The following HIBCH variants were observed in gnomAD, a reference collection of about 807,000 sequenced individuals.
HIBCH encodes 3-hydroxyisobutyryl-CoA hydrolase, mitochondrial.
A neutral mutation model predicts 58.2 loss-of-function variants in HIBCH; 50 were observed. The observed-to-expected ratio is 0.86, with a 90% CI of 0.68 to 1.09. HIBCH has a LOEUF of 1.09. Ranked by LOEUF, HIBCH falls within the 50% of genes least tolerant of loss-of-function variation. HIBCH has a pLI of 0.00. For missense variants in HIBCH, 450 were observed against 449.7 expected (o/e 1.00, Z -0.01); for synonymous variants, 151 against 146.9 (o/e 1.03, Z -0.20).
At chr2:190,199,423 T>A (rs1165279560), downstream of HIBCH, among the ~76,000 whole-genome samples, 1 of 144,080 alleles carries the variant, frequency 6.9e-6, no homozygotes, top group Non-Finnish European at 1.5e-5. Flanking sequence ...AAAAATTGAA[T>A]TGTTTTGGTA....
At chr2:190,198,485 T>C (rs1405689294) in intron 1 of HIBCH, among the ~76,000 whole-genome samples, 1 of 151,580 alleles carries the variant, frequency 6.6e-6, no homozygotes, top group Non-Finnish European at 1.5e-5. Flanking sequence ...TACAAAAACT[T>C]AGGTAGGCAT....
Position 190,217,443 on chromosome 2 carries a change from A to G in HIBCH, c.892-4368T>C, listed in dbSNP as rs1177523659. 6.6e-6 allele frequency among the ~76,000 whole-genome samples: 1 copy of G among 152,180 alleles called. No individual in the cohort carries two copies. The highest frequency in any genetic ancestry group is 2.4e-5 in the African/African-American group (1 of 41,432). ...AGGTTGCAGTGAGTTGAGATCACAC[A>G]CTGCACTCCAGCCTGGGCGACAGAA... On this transcript the variant is annotated intron_variant, in intron 11 of 13. Transcript: ENST00000359678. The surrounding 1 kb of genome is among the most constrained non-coding windows in gnomAD (Gnocchi z 4.6).
rs1274034382 is a variant in HIBCH at position 190,207,782 on chromosome 2, G to T, written c.1045+1098C>A. Among the ~76,000 whole-genome samples the T allele has an allele frequency of 1.3e-5, 2 of 152,172 alleles. No homozygotes were observed. The highest frequency in any genetic ancestry group is 4.8e-5 in the African/African-American group (2 of 41,438). On this transcript the variant is annotated intron_variant, in intron 13 of 13. Coordinates refer to ENST00000359678, the MANE Select transcript of HIBCH (RefSeq NM_014362.4). The surrounding 1 kb of genome is among the most constrained non-coding windows in gnomAD (Gnocchi z 4.5). ...GGTAGTCCCAGCTACTCAGGAGGCT[G>T]AGGTAGGCAAATCACTTGAACCTGG...
At position 190,244,972 on chromosome 2, in the gene HIBCH, T is replaced by TA. The variant is rs752916501; in HGVS notation, c.810-5dup. ...CACAGTATTGGCTGAAAAACAACTA[T>TA]AAAAAAAGGAAATGTGATTTCACCA... On this transcript the variant is annotated splice_polypyrimidine_tract_variant and splice_region_variant and intron_variant, in intron 10 of 13. Coordinates refer to ENST00000359678, the MANE Select transcript of HIBCH (RefSeq NM_014362.4). 2.0e-5 allele frequency: 32 copies of TA among 1,561,402 alleles called. No homozygotes were observed. The highest frequency in any genetic ancestry group is 2.5e-5 in the Non-Finnish European group (28 of 1,132,210).
At chr2:190,319,344 T>C (rs1192192303) in intron 1 of HIBCH, among the ~76,000 whole-genome samples, 1 of 152,176 alleles carries the variant, frequency 6.6e-6, no homozygotes, top group Non-Finnish European at 1.5e-5. Flanking sequence ...AAAGCACCTG[T>C]GTGTGCTGGC....
Position 190,309,558 on chromosome 2 carries a change from A to AT in HIBCH, c.78+1195dup, listed in dbSNP as rs201893817. Among the ~76,000 whole-genome samples, 912 of 143,940 alleles carry AT rather than the reference A, an allele frequency of 6.3e-3. 9 individuals are homozygous for AT. The highest frequency in any genetic ancestry group is 0.055 in the East Asian group (273 of 4,940). 94.4% of individuals were successfully genotyped at this position (143,940 alleles called of 152,430 possible). A position where few individuals can be genotyped will look rare whatever the true frequency, so the allele number is the denominator to read the frequency against. On this transcript the variant is annotated intron_variant, in intron 2 of 13. Transcript: ENST00000359678. ...TGTCATATGCCATGCACTATGCTAG[A>AT]TTTTTTTTTTTTTTTTAAGACAGAG...
rs77972374 is a variant in HIBCH at position 190,191,019 on chromosome 2, C to A, written c.*18-1022G>T. ...TCCAGAATGTCATATAAATAAGTAACCTTTTGAGACTAGCTTGTTCAATCA... is the reference window on the plus strand; with the variant it reads ...TCCAGAATGTCATATAAATAAGTAAACTTTTGAGACTAGCTTGTTCAATCA... On this transcript the variant is annotated intron_variant, in intron 1 of 1. Transcript: ENST00000399855. Among the ~76,000 whole-genome samples, 97 of 152,234 alleles carry A rather than the reference C, an allele frequency of 6.4e-4. 1 individual carries two copies. The East Asian group carries it at 0.017, about 26-fold the overall frequency.
At chr2:190,248,290 G>C (rs888211117) in intron 9 of HIBCH, among the ~76,000 whole-genome samples, 1 of 152,146 alleles carries the variant, frequency 6.6e-6, no homozygotes, top group African/African-American at 2.4e-5. Flanking sequence ...AGATGATCAG[G>C]CAAGATGTGT....
At chr2:190,208,795 T>C in intron 13 of HIBCH, 85 bp downstream of exon 13, 2 of 1,183,122 alleles carry the variant, frequency 1.7e-6, no homozygotes. Flanking sequence ...GGATTTGGGA[T>C]GCATAATCTG....
chr2:190,290,355 C>T (rs1435929310), intron 5 of HIBCH, 50 bp downstream of exon 5: 1 of 1,222,944 alleles, frequency 8.2e-7, no homozygotes, highest in East Asian at 2.3e-5. Flanking sequence ...ACATACTGTC[C>T]ACCTCATTTC....
At chr2:190,265,122 CAAAAAAAAAAAAAAAAA>C (rs1167140474) in intron 6 of HIBCH, among the ~76,000 whole-genome samples, 2 of 56,280 alleles carry the variant, frequency 3.6e-5, no homozygotes, top group African/African-American at 7.4e-5. Context: ...GACTCCGTCT[CAAAAAAAAAAAAAAAAA>C]AAAAAAAAAA....
intron 11 of HIBCH, 24 bp from the exon 12 acceptor site, chr2:190,213,099 CT>C: frequency 6.5e-7 from 1 of 1,547,346 alleles, no homozygotes; most frequent in Non-Finnish European, 8.9e-7. Flanking sequence ...AAATTTACTA[CT>C]GTTAGTCCAA....
chr2:190,213,895 G>T (rs1051185368), intron 11 of HIBCH: 1 of 152,216 alleles, frequency 6.6e-6, no homozygotes, highest in African/African-American at 2.4e-5. Context: ...ACTGTGCCGG[G>T]TGTGCCTGCA....
intron 1 of HIBCH, among the ~76,000 whole-genome samples, chr2:190,314,271 CAAA>C (rs9288170): frequency 1.5e-5 from 2 of 132,514 alleles, no homozygotes; most frequent in African/African-American, 2.9e-5. Context: ...CCAGTTACTA[CAAA>C]AAAAATATAT....
At chr2:190,238,140 G>A (rs548574760) in intron 11 of HIBCH, among the ~76,000 whole-genome samples, 163 of 152,182 alleles carry the variant, frequency 1.1e-3, no homozygotes, top group African/African-American at 3.7e-3. Flanking sequence ...ATACATGTGC[G>A]TGTGTCTTTA....
intron 8 of HIBCH, among the ~76,000 whole-genome samples, chr2:190,250,020 T>C (rs1488358075): frequency 6.6e-6 from 1 of 152,204 alleles, no homozygotes; most frequent in Non-Finnish European, 1.5e-5. Flanking sequence ...ATAAATTTTA[T>C]TTTATTTTTA....
rs552125916 is a variant in HIBCH, at chr2:190,239,432, T to G, written c.891+5455A>C. On this transcript the variant is annotated intron_variant, in intron 11 of 13. Coordinates refer to ENST00000359678, the MANE Select transcript of HIBCH (RefSeq NM_014362.4). Reference sequence around the variant, plus strand: ...CCAACTTTGTTCTTTTTGCTTAGGATTCTCTAGAGTACACGGGCTCTATTT... The same window carrying G: ...CCAACTTTGTTCTTTTTGCTTAGGAGTCTCTAGAGTACACGGGCTCTATTT... Among the ~76,000 whole-genome samples the G allele has an allele frequency of 5.3e-5, 8 of 152,284 alleles. No individual in the cohort carries two copies. In the East Asian group the frequency reaches 1.5e-3, roughly 29 times the overall value.
chr2:190,255,759 G>A (rs181038301), intron 7 of HIBCH, among the ~76,000 whole-genome samples: 12 of 152,204 alleles, frequency 7.9e-5, no homozygotes, highest in South Asian at 2.1e-4. Context: ...GTACCAGAGC[G>A]GAGAGAGCTG....
intron 7 of HIBCH, among the ~76,000 whole-genome samples, chr2:190,255,717 G>A (rs1686899862): frequency 6.6e-6 from 1 of 152,176 alleles, no homozygotes; most frequent in Admixed American, 6.5e-5. Context: ...TGAGTCTAGG[G>A]AAACCAAGAC....
Sources: gnomAD v4.1 joint callset for allele counts (sites outside exome capture counted in the v4.1 genomes callset) on GRCh38, gnomAD v4.1.1 for gene constraint, Gnocchi (gnomAD v3.1) non-coding constraint, MANE v1.5 for transcripts, NCBI Gene and HGNC (gene_info 2026-07-23, HGNC 2026-07-21) for gene names.